The following DOCK5 variants were observed in gnomAD, a reference collection of about 807,000 sequenced individuals.
DOCK5 encodes the protein dedicator of cytokinesis 5.
In DOCK5, 142 loss-of-function variants were observed where a neutral mutation model predicts 251.8. That is an observed-to-expected ratio of 0.56 (90% confidence interval 0.49 to 0.65). The LOEUF is 0.65. Among genes scored for constraint, DOCK5 ranks in the 30% least tolerant of loss-of-function variants. The pLI is 0.00. For missense variants in DOCK5, 2,111 were observed against 2,312.3 expected, an observed-to-expected ratio of 0.91 and a Z score of 1.79; for synonymous variants, 842 against 835.5, an observed-to-expected ratio of 1.01 and a Z score of -0.13.
At chr8:25,401,822 CAT>C in intron 47 of DOCK5, among the ~76,000 whole-genome samples, 1 of 152,318 alleles carries the variant, frequency 6.6e-6, no homozygotes, top group Admixed American at 6.5e-5. Flanking sequence ...CAAATTCTTA[CAT>C]TTTTTCCTAA....
intron 18 of DOCK5, among the ~76,000 whole-genome samples, chr8:25,326,901 A>G (rs1000900471): frequency 4.6e-5 from 7 of 152,222 alleles, no homozygotes; most frequent in Non-Finnish European, 7.3e-5. Context: ...GCTGCTAAAT[A>G]TGGTATTTCA....
chr8:25,259,930 T>G (rs1803528151), intron 2 of DOCK5, among the ~76,000 whole-genome samples: 2 of 152,250 alleles, frequency 1.3e-5, no homozygotes, highest in Non-Finnish European at 2.9e-5. Context: ...TTGCATCCCT[T>G]GACTTTCTGC....
At chr8:25,316,885 A>T (rs1805265609) in intron 13 of DOCK5, 122 bp from the exon 14 acceptor site, 1 of 1,216,344 alleles carries the variant, frequency 8.2e-7, no homozygotes, top group African/African-American at 1.5e-5. Flanking sequence ...CTTTTGTCGG[A>T]TGAGTAGTTC....
chr8:25,363,886 C>A (rs1439441955), intron 29 of DOCK5, among the ~76,000 whole-genome samples: 1 of 152,256 alleles, frequency 6.6e-6, no homozygotes, highest in Non-Finnish European at 1.5e-5. Flanking sequence ...CCAGAGGAAG[C>A]CTTTCTGACC....
intron 1 of DOCK5, among the ~76,000 whole-genome samples, chr8:25,234,535 G>C (rs1375333679): frequency 1.3e-5 from 2 of 152,140 alleles, no homozygotes; most frequent in Non-Finnish European, 2.9e-5. Context: ...GTTTAATAAG[G>C]AAGATATTCA....
intron 1 of DOCK5, among the ~76,000 whole-genome samples, chr8:25,194,647 C>G (rs1252135897): frequency 6.6e-6 from 1 of 152,120 alleles, no homozygotes; most frequent in East Asian, 1.9e-4. Flanking sequence ...TCACATACAG[C>G]TGTTCACTGG....
intron 45 of DOCK5, 21 bp downstream of exon 45, chr8:25,395,740 C>T (rs1439769731): frequency 1.9e-6 from 3 of 1,606,560 alleles, no homozygotes; most frequent in Non-Finnish European, 1.7e-6. Context: ...TCCCAGAATC[C>T]CCTAGGGATT....
rs1252387437 is a variant in DOCK5 at position 25,189,043 on chromosome 8, TTTC to T, written c.43+4095_43+4097del. ...TTTTTTCTTTTCTTTTCTTTCTTTC[TTTC>T]TTTTTTTTTTTTTTTTTTTTGAGAC... is the stretch of plus-strand genomic sequence containing the variant. On this transcript the variant is annotated intron_variant, in intron 1 of 51. Coordinates refer to ENST00000276440, the MANE Select transcript of DOCK5 (RefSeq NM_024940.8). Among the ~76,000 whole-genome samples, 171 of 20,162 alleles carry T rather than the reference TTTC, an allele frequency of 8.5e-3. 2 individuals are homozygous for T. The highest frequency in any genetic ancestry group is 0.013 in the African/African-American group (153 of 11,944). 13.2% of individuals were successfully genotyped at this position (20,162 alleles called of 152,430 possible). A position where few individuals can be genotyped will look rare whatever the true frequency, so the allele number is the denominator to read the frequency against.
At chr8:25,332,945 T>C (rs1805715614) in intron 20 of DOCK5, among the ~76,000 whole-genome samples, 2 of 152,340 alleles carry the variant, frequency 1.3e-5, no homozygotes, top group East Asian at 3.9e-4. Flanking sequence ...AGATGTTTTA[T>C]TTTTATTAGA....
rs149828746 is a variant in DOCK5, at chr8:25,308,894, T to G, written c.1161T>G (p.Ile387Met). ...TCACTTCAGTCTTGAATAAAGTGAT[T>G]GCAGCAAAGGAAGTGAATCACAAAG... is the stretch of plus-strand genomic sequence containing the variant. ...EPLTSVLNKVIAAKEVNHKGQ... is the reference protein window; with the variant it reads ...EPLTSVLNKVMAAKEVNHKGQ... Residue 387 changes from isoleucine (I) to methionine (M), a missense_variant, in exon 12 of 52, where the codon ATT becomes ATG. Coordinates refer to ENST00000276440, the MANE Select transcript of DOCK5 (RefSeq NM_024940.8). 14 of 1,613,702 alleles carry G rather than the reference T, an allele frequency of 8.7e-6. No homozygotes were observed. In the South Asian group the frequency reaches 1.4e-4, roughly 16 times the overall value.
chr8:25,397,892 C>A (rs1801374520), intron 45 of DOCK5, among the ~76,000 whole-genome samples: 1 of 152,132 alleles, frequency 6.6e-6, no homozygotes, highest in African/African-American at 2.4e-5. Flanking sequence ...CTAATGTATT[C>A]ATTTAGTTAA....
intron 5 of DOCK5, among the ~76,000 whole-genome samples, chr8:25,288,920 A>G (rs1472017482): frequency 6.6e-6 from 1 of 152,228 alleles, no homozygotes; most frequent in African/African-American, 2.4e-5. Context: ...AAAGCAGTAA[A>G]TGTAGGTAGT....
intron 1 of DOCK5, among the ~76,000 whole-genome samples, chr8:25,226,733 C>T (rs969719318): frequency 2.6e-5 from 4 of 151,904 alleles, no homozygotes; most frequent in Admixed American, 2.0e-4. Context: ...CTACAGGCGC[C>T]CGCCACCACG....
chr8:25,230,969 T>C (rs1440653427), intron 1 of DOCK5, among the ~76,000 whole-genome samples: 2 of 152,186 alleles, frequency 1.3e-5, no homozygotes, highest in Admixed American at 1.3e-4. Flanking sequence ...ATTCTCAGTA[T>C]ATTAATCCTA....
rs1805975590 is a variant in DOCK5, at chr8:25,342,418, T to G, written c.2528T>G (p.Phe843Cys). Residue 843 changes from phenylalanine (F) to cysteine (C), a missense_variant, in exon 25 of 52, where the codon TTC (phenylalanine) becomes TGC (cysteine). Physicochemically the swap from Phe to Cys is radical, Grantham distance 205. This residue lies in a region of DOCK5 where 1,717 missense variants were observed against 1,892.4 expected (regional missense o/e 0.91). Coordinates refer to ENST00000276440, the MANE Select transcript of DOCK5 (RefSeq NM_024940.8). ...TCTCCCAGCGTGCTCTTCTGCAAAT[T>G]CATTCAAAGCATTCCTGACAACCAG... ...PVELSVLFCK[F>C]IQSIPDNQLV... The G allele has an allele frequency of 1.3e-6, 2 of 1,595,570 alleles. No homozygotes were observed. Among genetic ancestry groups the G allele is most frequent in the East Asian group, 4.5e-5 (2 of 44,370 alleles).
intron 27 of DOCK5, among the ~76,000 whole-genome samples, chr8:25,355,522 T>C (rs1382327659): frequency 6.6e-6 from 1 of 152,190 alleles, no homozygotes; most frequent in Non-Finnish European, 1.5e-5. Flanking sequence ...CTATCTCGGC[T>C]CACTGCGACC....
rs528838111 is a variant in DOCK5 at position 25,204,178 on chromosome 8, A to G, written c.43+19227A>G. Reference sequence around the variant, plus strand: ...TGTGTTTGGATGAATTATAGACTTCATAGAAGTAACTTCAGGAATTATCGA... The same window carrying G: ...TGTGTTTGGATGAATTATAGACTTCGTAGAAGTAACTTCAGGAATTATCGA... On this transcript the variant is annotated intron_variant, in intron 1 of 51. Transcript: ENST00000276440. Among the ~76,000 whole-genome samples the G allele has an allele frequency of 3.3e-5, 5 of 152,346 alleles. No individual in the cohort carries two copies. In the South Asian group the frequency reaches 8.3e-4, roughly 25 times the overall value.
intron 2 of DOCK5, among the ~76,000 whole-genome samples, chr8:25,263,682 C>T (rs564562524): frequency 2.6e-5 from 4 of 151,776 alleles, no homozygotes; most frequent in African/African-American, 9.7e-5. Flanking sequence ...TGCGGATACC[C>T]CCTCGCCCCA....
chr8:25,214,702 T>G (rs956926707), intron 1 of DOCK5, among the ~76,000 whole-genome samples: 1 of 152,152 alleles, frequency 6.6e-6, no homozygotes, highest in African/African-American at 2.4e-5. Flanking sequence ...GGAATAGTCT[T>G]ATCGATTCAG....
Sources: allele counts gnomAD v4.1 joint callset (sites outside exome capture counted in the v4.1 genomes callset), GRCh38; gene constraint gnomAD v4.1.1; regional missense constraint gnomAD v4.1.1; transcripts MANE v1.5; gene names NCBI Gene and HGNC (gene_info 2026-07-23, HGNC 2026-07-21).